The following IL15 variants were observed in gnomAD, a reference collection of about 807,000 sequenced individuals.
The protein encoded by IL15 is interleukin-15.
A neutral mutation model predicts 19.6 loss-of-function variants in IL15; 11 were observed. That is an observed-to-expected ratio of 0.56 (90% confidence interval 0.35 to 0.93). The LOEUF (loss-of-function observed/expected upper bound fraction) is 0.93, where lower values mean the gene tolerates loss of function less well. IL15 is among the 40% of genes least tolerant of loss of function. The pLI is 0.01. For synonymous variants in IL15, 58 were observed against 59.6 expected, an observed-to-expected ratio of 0.97 and a Z score of 0.12; for missense variants, 197 against 186.5, an observed-to-expected ratio of 1.06 and a Z score of -0.33.
chr4:141,643,050 T>C (rs1004054010), intron 1 of IL15, among the ~76,000 whole-genome samples: 1 of 152,172 alleles, frequency 6.6e-6, no homozygotes, highest in Admixed American at 6.6e-5. Flanking sequence ...AAAAATAGTA[T>C]TTTAGGGAAA....
At chr4:141,690,268 G>A (rs1277906772) in intron 2 of IL15, among the ~76,000 whole-genome samples, 1 of 152,196 alleles carries the variant, frequency 6.6e-6, no homozygotes, top group African/African-American at 2.4e-5. Context: ...AGCTGAGGGA[G>A]CTGGCTCTGG....
At chr4:141,641,587 A>C (rs1727044523) in intron 1 of IL15, among the ~76,000 whole-genome samples, 1 of 151,628 alleles carries the variant, frequency 6.6e-6, no homozygotes, top group Non-Finnish European at 1.5e-5. Context: ...AAACTATTGC[A>C]AGGACAAAAA....
At chr4:141,670,785 G>T (rs887179170) in intron 2 of IL15, among the ~76,000 whole-genome samples, 3 of 152,080 alleles carry the variant, frequency 2.0e-5, no homozygotes, top group Admixed American at 1.3e-4. Flanking sequence ...ACATTATGTC[G>T]AAGTTCCAGT....
intron 2 of IL15, among the ~76,000 whole-genome samples, chr4:141,675,975 G>A (rs1728327079): frequency 6.6e-6 from 1 of 152,028 alleles, no homozygotes; most frequent in Non-Finnish European, 1.5e-5. Context: ...TGCCTGAACA[G>A]GTTTTTAATA....
chr4:141,668,138 T>A (rs1388793341), intron 2 of IL15, among the ~76,000 whole-genome samples: 1 of 152,106 alleles, frequency 6.6e-6, no homozygotes, highest in Non-Finnish European at 1.5e-5. Context: ...TTAAAACATA[T>A]GAAATGATTG....
At chr4:141,711,901 C>G (rs564202029) in intron 2 of IL15, among the ~76,000 whole-genome samples, 1 of 152,130 alleles carries the variant, frequency 6.6e-6, no homozygotes, top group East Asian at 1.9e-4. Flanking sequence ...GATGAATTCT[C>G]TTGTCTTGTA....
intron 2 of IL15, among the ~76,000 whole-genome samples, chr4:141,708,047 CT>C (rs756026825): frequency 8.5e-5 from 13 of 152,212 alleles, no homozygotes; most frequent in Non-Finnish European, 1.6e-4. Flanking sequence ...GGCCATGCAG[CT>C]CTGCAGTGGC....
intron 2 of IL15, among the ~76,000 whole-genome samples, chr4:141,687,507 C>T (rs922884363): frequency 1.2e-4 from 18 of 152,134 alleles, no homozygotes; most frequent in African/African-American, 3.9e-4. Context: ...CCACTAAAGG[C>T]CTGAGGCTAT....
chr4:141,715,808 A>G (rs1361906114), intron 2 of IL15: 1 of 152,206 alleles, frequency 6.6e-6, no homozygotes, highest in Admixed American at 6.5e-5. Flanking sequence ...TAAATGTGTG[A>G]TTAGACAAGT....
intron 2 of IL15, among the ~76,000 whole-genome samples, chr4:141,714,009 C>T (rs572057992): frequency 1.3e-5 from 2 of 152,056 alleles, no homozygotes; most frequent in Non-Finnish European, 2.9e-5. Flanking sequence ...CAACATTGAT[C>T]CTTCAAAAGG....
chr4:141,719,550 A>T, intron 3 of IL15, 74 bp downstream of exon 3: 1 of 1,176,538 alleles, frequency 8.5e-7, no homozygotes, highest in Non-Finnish European at 1.2e-6. Flanking sequence ...AGTCTTTGCA[A>T]TAAGTTACAT....
chr4:141,654,998 C>T (rs1473128583), intron 1 of IL15, among the ~76,000 whole-genome samples: 1 of 152,050 alleles, frequency 6.6e-6, no homozygotes, highest in Non-Finnish European at 1.5e-5. Flanking sequence ...TATTTATTCT[C>T]CTTTTAGAAG....
chr4:141,719,481 G>GAA lies in IL15; in HGVS notation c.12+12_12+13dup. On this transcript the variant is annotated splice_donor_region_variant and intron_variant, in intron 3 of 7. Transcript: ENST00000320650. ...CTTTGAGTAATGAGAATTTCGGTAAGAAAAAAAATAGATGAAAATATCCTA... is the reference window on the plus strand; with the variant it reads ...CTTTGAGTAATGAGAATTTCGGTAAGAAAAAAAAAATAGATGAAAATATCCTA... 3 of 1,171,704 alleles carry GAA rather than the reference G, an allele frequency of 2.6e-6. No homozygotes were observed. Among genetic ancestry groups the GAA allele is most frequent in the Non-Finnish European group, 2.6e-6 (2 of 782,104 alleles). 72.6% of individuals were successfully genotyped at this position (1,171,704 alleles called of 1,614,324 possible). A position where few individuals can be genotyped will look rare whatever the true frequency, so the allele number is the denominator to read the frequency against.
At chr4:141,692,508 C>T (rs973836048) in intron 2 of IL15, among the ~76,000 whole-genome samples, 1 of 152,200 alleles carries the variant, frequency 6.6e-6, no homozygotes, top group Admixed American at 6.5e-5. Context: ...CAAACTATCT[C>T]TGTGAGAGCA....
chr4:141,673,089 C>G (rs1728228784), intron 2 of IL15, among the ~76,000 whole-genome samples: 1 of 152,170 alleles, frequency 6.6e-6, no homozygotes, highest in African/African-American at 2.4e-5. Context: ...CATGTTTATA[C>G]CTTCACTTCT....
chr4:141,690,231 G>A (rs1385441035), intron 2 of IL15, among the ~76,000 whole-genome samples: 4 of 152,124 alleles, frequency 2.6e-5, no homozygotes, highest in South Asian at 2.1e-4. Context: ...GTTCCCGCTC[G>A]CACCTCTCCC....
At chr4:141,726,491 CT>C (rs1282107066) in intron 5 of IL15, among the ~76,000 whole-genome samples, 1 of 152,060 alleles carries the variant, frequency 6.6e-6, no homozygotes, top group African/African-American at 2.4e-5. Context: ...TCATACATTG[CT>C]GGTGATGATG....
intron 2 of IL15, among the ~76,000 whole-genome samples, chr4:141,686,572 A>C (rs531661185): frequency 1.3e-5 from 2 of 152,300 alleles, no homozygotes; most frequent in African/African-American, 4.8e-5. Context: ...TGGTAATGAC[A>C]GTGCCTACCT....
chr4:141,651,517 C>T (rs1727405976), intron 1 of IL15, among the ~76,000 whole-genome samples: 1 of 152,008 alleles, frequency 6.6e-6, no homozygotes, highest in Admixed American at 6.6e-5. Context: ...ACTAATAGCC[C>T]AGACTTTACC....
Sources: allele counts gnomAD v4.1 joint callset (sites outside exome capture counted in the v4.1 genomes callset), GRCh38; gene constraint gnomAD v4.1.1; transcripts MANE v1.5; gene names NCBI Gene and HGNC (gene_info 2026-07-23, HGNC 2026-07-21).